B3GALT1: variants seen among roughly 807,000 people sequenced by gnomAD.
B3GALT1 encodes UDP-Gal:betaGlcNAc beta 1,3-galactosyltransferase, polypeptide 1.
B3GALT1 carries 10 observed loss-of-function variants against 23.2 expected under a neutral mutation model. The observed-to-expected ratio is 0.43, with a 90% confidence interval of 0.27 to 0.73. The LOEUF (loss-of-function observed/expected upper bound fraction) is 0.73. Ranked by LOEUF, B3GALT1 falls within the 30% of genes least tolerant of loss-of-function variation. B3GALT1 has a pLI of 0.21. For missense variants in B3GALT1, 299 were observed against 405.4 expected (o/e 0.74, Z 2.25); for synonymous variants, 156 against 141.5 (o/e 1.10, Z -0.73).
intron 1 of B3GALT1, among the ~76,000 whole-genome samples, chr2:167,472,216 C>T (rs6729236): frequency 0.055 from 8,364 of 152,082 alleles, 738 homozygotes; most frequent in African/African-American, 0.19. Context: ...GGTAAGATGC[C>T]GTTATGGGAC....
chr2:167,750,160 CT>C (rs1687712981), intron 3 of B3GALT1, among the ~76,000 whole-genome samples: 1 of 152,096 alleles, frequency 6.6e-6, no homozygotes, highest in South Asian at 2.1e-4. Context: ...GCAAATAAGG[CT>C]AAGAAAAGTT....
At chr2:167,307,481 G>T in intron 1 of B3GALT1, among the ~76,000 whole-genome samples, 1 of 151,948 alleles carries the variant, frequency 6.6e-6, no homozygotes, top group East Asian at 1.9e-4. Flanking sequence ...CAAGTGAAAT[G>T]ATTTTGGATT....
chr2:167,401,227 T>A (rs1476863402), intron 1 of B3GALT1, among the ~76,000 whole-genome samples: 1 of 152,116 alleles, frequency 6.6e-6, no homozygotes, highest in Non-Finnish European at 1.5e-5. Flanking sequence ...AATTCTGAAT[T>A]TTATTTGAAA....
chr2:167,845,177 A>G (rs777084280), intron 4 of B3GALT1, among the ~76,000 whole-genome samples: 23 of 152,026 alleles, frequency 1.5e-4, no homozygotes, highest in Non-Finnish European at 2.9e-4. Flanking sequence ...GCTGAAGACA[A>G]AGAGCATATA....
intron 3 of B3GALT1, among the ~76,000 whole-genome samples, chr2:167,712,289 G>A (rs865803366): frequency 5.3e-5 from 8 of 152,168 alleles, no homozygotes; most frequent in African/African-American, 1.9e-4. Context: ...ATATGCTGCA[G>A]CATGACATAG....
At position 167,870,750 on chromosome 2, in the gene B3GALT1, C is replaced by CAA. The variant is rs1690330179; in HGVS notation, c.*732_*733dup. ...TCTTTTTTGTTTTGCTCTTTCAGAACAAACATTAAATGGTGCCTCCAAGGA... is the reference window on the plus strand; with the variant it reads ...TCTTTTTTGTTTTGCTCTTTCAGAACAAAAACATTAAATGGTGCCTCCAAGGA... On this transcript the variant is annotated 3_prime_UTR_variant, in exon 5 of 5. Coordinates refer to ENST00000392690, the MANE Select transcript of B3GALT1 (RefSeq NM_020981.4). The CAA allele has an allele frequency of 6.1e-6, 1 of 165,168 alleles. No individual in the cohort carries two copies. The highest frequency in any genetic ancestry group is 2.1e-4 in the South Asian group (1 of 4,762). 10.2% of individuals were successfully genotyped at this position (165,168 alleles called of 1,614,324 possible).
chr2:167,811,719 G>A (rs1688892630), intron 3 of B3GALT1, among the ~76,000 whole-genome samples: 1 of 152,094 alleles, frequency 6.6e-6, no homozygotes, highest in Non-Finnish European at 1.5e-5. Flanking sequence ...CTATCTTCTG[G>A]GGGCTGCTGC....
intron 1 of B3GALT1, among the ~76,000 whole-genome samples, chr2:167,297,624 C>T (rs984510693): frequency 6.6e-6 from 1 of 152,096 alleles, no homozygotes; most frequent in African/African-American, 2.4e-5. Context: ...GCAAAAAAAG[C>T]TGTACAATTA....
At chr2:167,461,587 T>C (rs1559104415) in intron 1 of B3GALT1, among the ~76,000 whole-genome samples, 1 of 152,176 alleles carries the variant, frequency 6.6e-6, no homozygotes, top group Non-Finnish European at 1.5e-5. Context: ...GTTTGGAATG[T>C]ACATATAGCT....
intron 2 of B3GALT1, among the ~76,000 whole-genome samples, chr2:167,611,217 A>G (rs1010561757): frequency 6.6e-6 from 1 of 152,000 alleles, no homozygotes; most frequent in Non-Finnish European, 1.5e-5. Context: ...TTAATTTTTT[A>G]AATTATTAAT....
At chr2:167,346,749 G>GTA (rs2105251990) in intron 1 of B3GALT1, among the ~76,000 whole-genome samples, 1 of 88,938 alleles carries the variant, frequency 1.1e-5, no homozygotes, top group Non-Finnish European at 2.7e-5. Flanking sequence ...TGTGTGTGGG[G>GTA]GGGGGGTGGT....
At chr2:167,750,460 CT>C (rs1179903589) in intron 3 of B3GALT1, among the ~76,000 whole-genome samples, 3 of 152,086 alleles carry the variant, frequency 2.0e-5, no homozygotes, top group African/African-American at 7.2e-5. Flanking sequence ...TTCTAGAAGT[CT>C]TTGAGCCTAG....
At chr2:167,326,761 C>T (rs536309843) in intron 1 of B3GALT1, among the ~76,000 whole-genome samples, 1 of 152,184 alleles carries the variant, frequency 6.6e-6, no homozygotes, top group Non-Finnish European at 1.5e-5. Context: ...ATGATCTGGG[C>T]TCACTGCAAC....
At chr2:167,354,427 A>G (rs1463346722) in intron 1 of B3GALT1, among the ~76,000 whole-genome samples, 2 of 149,174 alleles carry the variant, frequency 1.3e-5, no homozygotes, top group Non-Finnish European at 3.0e-5. Flanking sequence ...GCTCACTGCA[A>G]CCTCCGCCTC....
intron 3 of B3GALT1, among the ~76,000 whole-genome samples, chr2:167,773,562 A>G (rs1688108604): frequency 1.3e-5 from 2 of 152,230 alleles, no homozygotes; most frequent in African/African-American, 4.8e-5. Flanking sequence ...GCAGAAGAGC[A>G]GGACACTGAC....
chr2:167,749,653 T>C (rs897888821), intron 3 of B3GALT1, among the ~76,000 whole-genome samples: 1 of 152,222 alleles, frequency 6.6e-6, no homozygotes, highest in African/African-American at 2.4e-5. Flanking sequence ...GCAGTATGAT[T>C]TATCCTATGG....
At chr2:167,466,528 G>A (rs1451780470) in intron 1 of B3GALT1, among the ~76,000 whole-genome samples, 2 of 147,328 alleles carry the variant, frequency 1.4e-5, no homozygotes, top group African/African-American at 5.0e-5. Context: ...GCTGAGGCAG[G>A]AGAATTGCTT....
chr2:167,808,875 G>A (rs550359793), intron 3 of B3GALT1, among the ~76,000 whole-genome samples: 3 of 152,204 alleles, frequency 2.0e-5, no homozygotes, highest in African/African-American at 2.4e-5. Flanking sequence ...ATCCTGCAGC[G>A]TGTTTTCCAA....
chr2:167,634,428 T>A (rs148695630), intron 2 of B3GALT1, among the ~76,000 whole-genome samples: 2,514 of 151,918 alleles, frequency 0.017, 90 homozygotes, highest in African/African-American at 0.057. Context: ...TTTTGAAAAG[T>A]TCAACAAAAT....
Sources: allele counts gnomAD v4.1 joint callset (sites outside exome capture counted in the v4.1 genomes callset), GRCh38; gene constraint gnomAD v4.1.1; transcripts MANE v1.5; gene names NCBI Gene and HGNC (gene_info 2026-07-23, HGNC 2026-07-21).